The following ATP11C variants were observed in gnomAD, a reference collection of about 807,000 sequenced individuals.
ATP11C encodes the protein ATPase phospholipid transporting 11C (ATP11C blood group).
A neutral mutation model predicts 97.4 loss-of-function variants in ATP11C; 36 were observed. That is an observed-to-expected ratio of 0.37 (90% CI 0.28 to 0.49). The LOEUF (loss-of-function observed/expected upper bound fraction) is 0.49, where lower values mean the gene tolerates loss of function less well. Among genes scored for constraint, ATP11C ranks in the 20% least tolerant of loss-of-function variants. The pLI, the probability that ATP11C is intolerant of heterozygous loss-of-function variation, is 0.98. For synonymous variants in ATP11C, 275 were observed against 290.9 expected (o/e 0.95, Z 0.56); for missense variants, 730 against 824.6 (o/e 0.89, Z 1.40).
At chrX:139,832,630 G>A (rs990263958) in intron 1 of ATP11C, among the ~76,000 whole-genome samples, 3 of 112,082 alleles carry the variant, frequency 2.7e-5, no homozygotes, top group East Asian at 5.6e-4. Flanking sequence ...AATAAGCTTC[G>A]GAGGAAAGTT....
At chrX:139,898,763 A>G (rs1334068767) in intron 1 of ATP11C, among the ~76,000 whole-genome samples, 1 of 112,186 alleles carries the variant, frequency 8.9e-6, no homozygotes, top group Non-Finnish European at 1.9e-5. Flanking sequence ...AAAACAATGG[A>G]GAAGGTCTCA....
intron 1 of ATP11C, among the ~76,000 whole-genome samples, chrX:139,884,417 A>G (rs1474187875): frequency 1.8e-5 from 2 of 112,212 alleles, no homozygotes; most frequent in Non-Finnish European, 3.8e-5. Flanking sequence ...ATGTAAAATA[A>G]AAACGGCATC....
chrX:139,853,578 G>A (rs1419594039), intron 1 of ATP11C, among the ~76,000 whole-genome samples: 1 of 110,001 alleles, frequency 9.1e-6, no homozygotes, highest in Non-Finnish European at 1.9e-5. Flanking sequence ...ATAATTAAAG[G>A]TCTTCTCCGT....
At chrX:139,912,406 T>C (rs1032898683) in intron 1 of ATP11C, among the ~76,000 whole-genome samples, 2 of 110,746 alleles carry the variant, frequency 1.8e-5, no homozygotes, top group African/African-American at 6.6e-5. Flanking sequence ...GTATTGCTAA[T>C]GTTATAATTC....
upstream of ATP11C, among the ~76,000 whole-genome samples, chrX:139,933,316 C>T (rs1244897787): frequency 0.062 from 2 of 32 alleles, no homozygotes; most frequent in African/African-American, 0.29. Flanking sequence ...CGGGCGCACT[C>T]GGTAGCCTTC....
At chrX:139,791,383 T>C (rs1029948024) in intron 12 of ATP11C, among the ~76,000 whole-genome samples, 2 of 112,162 alleles carry the variant, frequency 1.8e-5, no homozygotes, top group Non-Finnish European at 3.8e-5. Context: ...GTGTCAAAGA[T>C]GGTAGCTTTA....
intron 16 of ATP11C, among the ~76,000 whole-genome samples, chrX:139,784,167 G>A (rs2082524454): frequency 8.9e-6 from 1 of 112,007 alleles, no homozygotes; most frequent in South Asian, 3.7e-4. Context: ...GTGTAGCTCT[G>A]AGGTCAATGA....
At chrX:139,826,126 A>C (rs2083523275) in intron 2 of ATP11C, among the ~76,000 whole-genome samples, 1 of 111,610 alleles carries the variant, frequency 9.0e-6, no homozygotes, top group African/African-American at 3.3e-5. Context: ...ATGCTGAAGA[A>C]AGATGCAGTC....
At chrX:139,735,808 A>G (rs749742651) in intron 28 of ATP11C, among the ~76,000 whole-genome samples, 2 of 110,733 alleles carry the variant, frequency 1.8e-5, no homozygotes, top group African/African-American at 6.5e-5. Flanking sequence ...CTGAGTGCCC[A>G]CAACATTTTG....
intron 1 of ATP11C, among the ~76,000 whole-genome samples, chrX:139,872,879 C>T (rs58674418): frequency 0.058 from 6,529 of 111,715 alleles, 444 homozygotes; most frequent in African/African-American, 0.2. Context: ...TTCATGTGAT[C>T]ACAAATGTAT....
chrX:139,875,259 T>C (rs2084450153), intron 1 of ATP11C, among the ~76,000 whole-genome samples: 1 of 109,799 alleles, frequency 9.1e-6, no homozygotes, highest in Non-Finnish European at 1.9e-5. Flanking sequence ...GAACCTTCCT[T>C]AGGGTAAGCA....
chrX:139,911,623 TAC>T (rs2085076870), intron 1 of ATP11C, among the ~76,000 whole-genome samples: 1 of 111,160 alleles, frequency 9.0e-6, no homozygotes, highest in Non-Finnish European at 1.9e-5. Context: ...TTCCTATACA[TAC>T]AGTTTTGTGT....
intron 5 of ATP11C, among the ~76,000 whole-genome samples, chrX:139,809,867 G>A (rs1216566078): frequency 3.6e-5 from 4 of 111,172 alleles, no homozygotes; most frequent in Non-Finnish European, 7.5e-5. Context: ...TTGGGAGGCT[G>A]AGGCAGGAGA....
intron 1 of ATP11C, among the ~76,000 whole-genome samples, chrX:139,877,593 A>G (rs1051196790): frequency 1.1e-4 from 12 of 112,008 alleles, no homozygotes; most frequent in Non-Finnish European, 1.9e-4. Flanking sequence ...TGAAAATGTT[A>G]AAGAATTGAC....
At chrX:139,843,268 G>A (rs772721832) in intron 1 of ATP11C, among the ~76,000 whole-genome samples, 3 of 111,956 alleles carry the variant, frequency 2.7e-5, no homozygotes, top group Non-Finnish European at 3.8e-5. Flanking sequence ...TGTCTGTTAC[G>A]TGCAGATGAA....
At chrX:139,837,206 T>C (rs2083762590) in intron 1 of ATP11C, among the ~76,000 whole-genome samples, 1 of 112,242 alleles carries the variant, frequency 8.9e-6, no homozygotes, top group Non-Finnish European at 1.9e-5. Context: ...TTAGAAGTTC[T>C]ATTCAAGTGT....
At chrX:139,742,051 T>C (rs2148628677) in intron 26 of ATP11C, among the ~76,000 whole-genome samples, 1 of 111,431 alleles carries the variant, frequency 9.0e-6, no homozygotes, top group East Asian at 2.8e-4. Flanking sequence ...ATAATACTAA[T>C]ATTAATCCAA....
intron 1 of ATP11C, among the ~76,000 whole-genome samples, chrX:139,895,670 T>C (rs868789071): frequency 1.8e-5 from 2 of 111,948 alleles, no homozygotes; most frequent in Non-Finnish European, 3.8e-5. Flanking sequence ...ATCAGAGTAA[T>C]TGGGATATCC....
intron 25 of ATP11C, 33 bp downstream of exon 25, chrX:139,745,689 A>C: frequency 8.4e-7 from 1 of 1,187,438 alleles, no homozygotes; most frequent in Non-Finnish European, 1.1e-6. Context: ...CATGCTTATA[A>C]TACCAAAAGA....
Sources: allele counts gnomAD v4.1 joint callset (sites outside exome capture counted in the v4.1 genomes callset), GRCh38; gene constraint gnomAD v4.1.1; transcripts MANE v1.5; gene names NCBI Gene and HGNC (gene_info 2026-07-23, HGNC 2026-07-21).